The following DSCAM variants were observed in gnomAD, a reference collection of about 807,000 sequenced individuals.
DSCAM encodes DS cell adhesion molecule, also known as cell adhesion molecule DSCAM.
In DSCAM, 47 loss-of-function variants were observed where a neutral mutation model predicts 217.7. That is an observed-to-expected ratio of 0.22 (90% CI 0.17 to 0.28). DSCAM has a LOEUF of 0.28. Ranked by LOEUF, DSCAM falls within the 10% of genes least tolerant of loss-of-function variation. The probability of loss-of-function intolerance (pLI) is 1.00; values close to 1 mark genes in which losing one functional copy is unlikely to be tolerated. For missense variants in DSCAM, 2,080 were observed against 2,618.3 expected, an observed-to-expected ratio of 0.79 and a Z score of 4.49; for synonymous variants, 1,056 against 1,015.3, an observed-to-expected ratio of 1.04 and a Z score of -0.76.
chr21:40,434,563 T>A (rs1215792971), intron 3 of DSCAM, among the ~76,000 whole-genome samples: 1 of 152,122 alleles, frequency 6.6e-6, no homozygotes, highest in East Asian at 1.9e-4. Flanking sequence ...TTGCTTCTCA[T>A]AATGGTGCAT....
chr21:40,277,242 G>T (rs919342495), intron 10 of DSCAM, among the ~76,000 whole-genome samples: 2 of 152,142 alleles, frequency 1.3e-5, no homozygotes, highest in African/African-American at 4.8e-5. Context: ...GTGTTCTAGA[G>T]AGAAGGTGCT....
chr21:40,080,548 C>T (rs1391087204), intron 24 of DSCAM, among the ~76,000 whole-genome samples: 9 of 152,130 alleles, frequency 5.9e-5, no homozygotes, highest in Admixed American at 5.9e-4. Flanking sequence ...GTCATTTGGG[C>T]CACACCAGAC....
At chr21:40,195,759 G>T (rs1020989403) in intron 11 of DSCAM, among the ~76,000 whole-genome samples, 1 of 152,172 alleles carries the variant, frequency 6.6e-6, no homozygotes, top group Non-Finnish European at 1.5e-5. Context: ...GGGTTCCCGG[G>T]TGGGAGGTCA....
intron 3 of DSCAM, among the ~76,000 whole-genome samples, chr21:40,592,184 T>C (rs1396000363): frequency 6.6e-6 from 1 of 152,196 alleles, no homozygotes; most frequent in Non-Finnish European, 1.5e-5. Context: ...TTTGCATATA[T>C]AAAATGTTAA....
At chr21:40,293,535 A>G (rs1051420968) in intron 10 of DSCAM, among the ~76,000 whole-genome samples, 2 of 152,196 alleles carry the variant, frequency 1.3e-5, no homozygotes, top group African/African-American at 4.8e-5. Flanking sequence ...GCTGAACTCA[A>G]TCTTAACTAA....
At chr21:40,309,536 C>T (rs1417079078) in intron 9 of DSCAM, among the ~76,000 whole-genome samples, 7 of 152,064 alleles carry the variant, frequency 4.6e-5, no homozygotes, top group Non-Finnish European at 1.0e-4. Flanking sequence ...TGCTGGAGTG[C>T]CCTAGTGACT....
At chr21:40,589,281 A>G (rs916178901) in intron 3 of DSCAM, among the ~76,000 whole-genome samples, 1 of 152,230 alleles carries the variant, frequency 6.6e-6, no homozygotes, top group Non-Finnish European at 1.5e-5. Context: ...TGAAATAATA[A>G]AAACTAATAA....
chr21:40,578,403 GTCAGCACTCTGTAAAAACGCACCAA>G (rs1242888192), intron 3 of DSCAM, among the ~76,000 whole-genome samples: 5 of 151,964 alleles, frequency 3.3e-5, no homozygotes, highest in Non-Finnish European at 1.5e-5. Flanking sequence ...AAATGCACCA[GTCAGCACTCTGTAAAAACGCACCAA>G]TCAGCACTCT....
At chr21:40,576,293 A>G (rs986712040) in intron 3 of DSCAM, among the ~76,000 whole-genome samples, 6 of 152,248 alleles carry the variant, frequency 3.9e-5, no homozygotes, top group African/African-American at 1.4e-4. Flanking sequence ...TTATAATTTA[A>G]AAGAAGAAAT....
chr21:40,388,132 T>C (rs1038787023), intron 3 of DSCAM, among the ~76,000 whole-genome samples: 13 of 94,144 alleles, frequency 1.4e-4, no homozygotes, highest in African/African-American at 7.0e-4. Context: ...TTTCCCAGTA[T>C]TGATAAGAAC....
chr21:40,692,799 G>GTAT lies in DSCAM; in HGVS notation c.508+10_508+11insATA. Reference sequence around the variant, plus strand: ...GCGTGGTGTCCTGCACCCTGGAGACGCAAAGCCTACCTGAGACAAGTGAAA... The same window carrying GTAT: ...GCGTGGTGTCCTGCACCCTGGAGACGTATCAAAGCCTACCTGAGACAAGTGAAA... On this transcript the variant is annotated intron_variant, in intron 3 of 32. Coordinates refer to ENST00000400454, the MANE Select transcript of DSCAM (RefSeq NM_001389.5). 6.2e-7 allele frequency: 1 copy of GTAT among 1,608,398 alleles called. No homozygotes were observed. Among genetic ancestry groups the GTAT allele is most frequent in the Admixed American group, 1.7e-5 (1 of 59,950 alleles).
intron 3 of DSCAM, among the ~76,000 whole-genome samples, chr21:40,631,906 G>A (rs969925820): frequency 6.6e-6 from 1 of 152,182 alleles, no homozygotes; most frequent in Admixed American, 6.5e-5. Flanking sequence ...CACTATCCTC[G>A]CCACCATGGG....
intron 2 of DSCAM, among the ~76,000 whole-genome samples, chr21:40,699,338 C>A (rs73358383): frequency 9.2e-5 from 14 of 152,172 alleles, no homozygotes; most frequent in African/African-American, 3.4e-4. Context: ...TGAGACACAA[C>A]AATACTGAAA....
chr21:40,819,069 T>C (rs1214513416), intron 1 of DSCAM, among the ~76,000 whole-genome samples: 1 of 152,186 alleles, frequency 6.6e-6, no homozygotes, highest in Non-Finnish European at 1.5e-5. Flanking sequence ...ACTGAGCACC[T>C]AAGGTAGGCT....
At chr21:40,199,013 C>T (rs1045356822) in intron 11 of DSCAM, among the ~76,000 whole-genome samples, 8 of 152,060 alleles carry the variant, frequency 5.3e-5, no homozygotes, top group African/African-American at 1.9e-4. Flanking sequence ...GTACCTTGAG[C>T]AGGAGGGGAA....
chr21:40,368,974 A>C, intron 4 of DSCAM, 125 bp downstream of exon 4: 1 of 1,114,888 alleles, frequency 9.0e-7, no homozygotes, highest in Non-Finnish European at 1.2e-6. Context: ...AATTCCTAAA[A>C]TATTTTGGAA....
chr21:40,175,780 TACACACACACAC>T (rs35339524), intron 15 of DSCAM, among the ~76,000 whole-genome samples: 1 of 144,850 alleles, frequency 6.9e-6, no homozygotes, highest in Non-Finnish European at 1.5e-5. Flanking sequence ...AACACACACA[TACACACACACAC>T]ACACACACAC....
At chr21:40,044,057 G>A (rs904061339) in intron 31 of DSCAM, 21 bp downstream of exon 31, 2 of 1,612,344 alleles carry the variant, frequency 1.2e-6, no homozygotes, top group Non-Finnish European at 1.7e-6. Flanking sequence ...CAGGGACGGA[G>A]GAGGCAGCGT....
At chr21:40,462,758 T>TA (rs935385221) in intron 3 of DSCAM, among the ~76,000 whole-genome samples, 6 of 152,148 alleles carry the variant, frequency 3.9e-5, no homozygotes, top group Admixed American at 1.3e-4. Context: ...TCAGGAATCT[T>TA]AATCCCTAGA....
Sources: gnomAD v4.1 joint callset for allele counts (sites outside exome capture counted in the v4.1 genomes callset) on GRCh38, gnomAD v4.1.1 for gene constraint, MANE v1.5 for transcripts, NCBI Gene and HGNC (gene_info 2026-07-23, HGNC 2026-07-21) for gene names.